The following ARID1B variants were observed in gnomAD, a reference collection of about 807,000 sequenced individuals.
ARID1B encodes the protein AT-rich interactive domain-containing protein 1B.
In ARID1B, 30 loss-of-function variants were observed where a neutral mutation model predicts 212.3. That is an observed-to-expected ratio of 0.14 (90% CI 0.11 to 0.19). ARID1B has a LOEUF of 0.19. Ranked by LOEUF, ARID1B falls within the 10% of genes least tolerant of loss-of-function variation. The pLI is 1.00. For synonymous variants in ARID1B, 1,402 were observed against 1,301.7 expected (o/e 1.08, Z -1.66); for missense variants, 2,891 against 3,204.0 (o/e 0.90, Z 2.36).
intron 19 of ARID1B, 106 bp downstream of exon 19, chr6:157,204,102 A>C: frequency 7.1e-7 from 1 of 1,414,486 alleles, no homozygotes; most frequent in Non-Finnish European, 9.9e-7. Flanking sequence ...CTGACCGTCC[A>C]ACACTGTTAA....
intron 4 of ARID1B, among the ~76,000 whole-genome samples, chr6:157,062,203 TG>T (rs1712207077): frequency 6.6e-6 from 1 of 151,638 alleles, no homozygotes; most frequent in Non-Finnish European, 1.5e-5. Context: ...TTTGTTTTGT[TG>T]TTTTTTTTTT....
intron 1 of ARID1B, among the ~76,000 whole-genome samples, chr6:156,822,338 T>G (rs1782409211): frequency 6.6e-6 from 1 of 152,256 alleles, no homozygotes; most frequent in African/African-American, 2.4e-5. Context: ...CATAGTGGTT[T>G]TAAATGCAGG....
rs529804693 is a variant in ARID1B, at chr6:157,206,103, G to A, written c.5395-64G>A. 14 of 1,513,064 alleles carry A rather than the reference G, an allele frequency of 9.3e-6. No homozygotes were observed. In the East Asian group the frequency reaches 2.5e-4, roughly 27 times the overall value. The allele number at this position is 1,513,064 out of a possible 1,614,324, so 93.7% of individuals were successfully genotyped here. A position where few individuals can be genotyped will look rare whatever the true frequency, so the allele number is the denominator to read the frequency against. On this transcript the variant is annotated intron_variant, in intron 19 of 19. Coordinates refer to ENST00000636930, the MANE Select transcript of ARID1B (RefSeq NM_001374828.1). This position sits in a 1 kb window ranked among gnomAD's most constrained non-coding sequence, Gnocchi z 6.8. ...GGGTCTCAGGATCTTTACCCTCCTC[G>A]GTCATATCTGATGTCATGACATTGT... is the stretch of plus-strand genomic sequence containing the variant.
At chr6:156,957,584 T>A (rs1042468161) in intron 4 of ARID1B, among the ~76,000 whole-genome samples, 1 of 152,220 alleles carries the variant, frequency 6.6e-6, no homozygotes, top group Non-Finnish European at 1.5e-5. Flanking sequence ...TAGGTTAGGG[T>A]TGATTTGGAC....
intron 4 of ARID1B, among the ~76,000 whole-genome samples, chr6:157,080,622 T>C (rs947156796): frequency 6.6e-6 from 1 of 152,210 alleles, no homozygotes; most frequent in Non-Finnish European, 1.5e-5. Context: ...AATCTGAACA[T>C]ATTCATGCTG....
At chr6:157,101,621 C>A (rs1475494354) in intron 5 of ARID1B, among the ~76,000 whole-genome samples, 1 of 151,780 alleles carries the variant, frequency 6.6e-6, no homozygotes, top group Admixed American at 6.6e-5. Context: ...AGGACATTGC[C>A]CTCTATATAG....
chr6:157,128,881 T>C (rs1293899485), intron 6 of ARID1B, among the ~76,000 whole-genome samples: 2 of 152,240 alleles, frequency 1.3e-5, no homozygotes, highest in Admixed American at 1.3e-4. Context: ...CATTTGCCTT[T>C]GGCCAGGGGA....
chr6:157,028,236 G>GT (rs1780786613), intron 4 of ARID1B, among the ~76,000 whole-genome samples: 1 of 152,154 alleles, frequency 6.6e-6, no homozygotes, highest in African/African-American at 2.4e-5. Context: ...GTGCTCATAT[G>GT]TTTTTTAACA....
At chr6:157,051,854 T>C (rs961147710) in intron 4 of ARID1B, among the ~76,000 whole-genome samples, 2 of 152,244 alleles carry the variant, frequency 1.3e-5, no homozygotes, top group African/African-American at 4.8e-5. Flanking sequence ...TTCATGTTGT[T>C]TCTTTTGTCA....
intron 4 of ARID1B, among the ~76,000 whole-genome samples, chr6:156,999,931 A>G (rs1778814228): frequency 6.6e-6 from 1 of 152,254 alleles, no homozygotes; most frequent in African/African-American, 2.4e-5. Context: ...CAATAAGTTA[A>G]AAAGATAATG....
chr6:157,019,688 C>T (rs1315680570), intron 4 of ARID1B, among the ~76,000 whole-genome samples: 1 of 152,094 alleles, frequency 6.6e-6, no homozygotes, highest in Non-Finnish European at 1.5e-5. Context: ...CTTTGTGATG[C>T]CTTTTTATGA....
In ARID1B at chr6:156,966,223, A is replaced by G. The variant is rs76711562; in HGVS notation, c.2247+30647A>G. On this transcript the variant is annotated intron_variant, in intron 4 of 19. Transcript: ENST00000636930. ...TTAAATTCCTATAAGTGTGCAGATAATACTTCAATGGTATATCGCAGTCCT... is the reference window on the plus strand; with the variant it reads ...TTAAATTCCTATAAGTGTGCAGATAGTACTTCAATGGTATATCGCAGTCCT... Among the ~76,000 whole-genome samples, 933 of 152,294 alleles carry G rather than the reference A, an allele frequency of 6.1e-3. 13 individuals carry two copies. The highest frequency in any genetic ancestry group is 0.022 in the African/African-American group (899 of 41,556).
At chr6:156,994,511 T>A (rs1319572355) in intron 4 of ARID1B, among the ~76,000 whole-genome samples, 2 of 151,834 alleles carry the variant, frequency 1.3e-5, no homozygotes, top group Non-Finnish European at 2.9e-5. Flanking sequence ...CAAAAAAAAA[T>A]ACCTTTATAA....
intron 4 of ARID1B, among the ~76,000 whole-genome samples, chr6:156,975,613 CTTTTTTTTT>C (rs367797338): frequency 9.0e-6 from 1 of 110,854 alleles, no homozygotes; most frequent in Non-Finnish European, 1.8e-5. Context: ...TTTTTTTTTT[CTTTTTTTTT>C]TTTTTTTTCA....
In ARID1B at chr6:157,174,090, C is replaced by T. The variant is rs1367299782; in HGVS notation, c.3318C>T (p.Gly1106=). 1 of 1,614,216 alleles carries T rather than the reference C, an allele frequency of 6.2e-7. No homozygotes were observed. The change falls in exon 10 of 20, where the codon GGC becomes GGT. Residue 1106 remains glycine, a synonymous_variant. Transcript: ENST00000636930. ...TCAAAGCAGACGGCAAAGAAGAAGG[C>T]ACTCCACAGCCCGAGAGCAAGTCAA... ...LPLKADGKEE[G]TPQPESKSKD...
intron 4 of ARID1B, among the ~76,000 whole-genome samples, chr6:157,034,296 TG>T (rs1329077885): frequency 6.6e-6 from 1 of 152,232 alleles, no homozygotes; most frequent in African/African-American, 2.4e-5. Context: ...TTATTATGAA[TG>T]AGTGATGGTC....
chr6:157,120,133 G>A lies in ARID1B; in HGVS notation c.2581+9572G>A, dbSNP rs145337863. On this transcript the variant is annotated intron_variant, in intron 6 of 19. Transcript: ENST00000636930. ...ATTTGCTTCTCCAGGGCATAGCGAC[G>A]TACGTACTTTGTCTTTTTCCTCAGC... is the stretch of plus-strand genomic sequence containing the variant. 3.3e-5 allele frequency among the ~76,000 whole-genome samples: 5 copies of A among 152,310 alleles called. No individual in the cohort carries two copies. In the East Asian group the frequency reaches 7.7e-4, roughly 23 times the overall value.
At chr6:156,898,144 C>T (rs928173294) in intron 2 of ARID1B, among the ~76,000 whole-genome samples, 21 of 152,250 alleles carry the variant, frequency 1.4e-4, no homozygotes, top group African/African-American at 5.1e-4. Flanking sequence ...TCTATGTCTC[C>T]AGCTCCCAGC....
chr6:156,805,770 G>A (rs149088429), intron 1 of ARID1B, among the ~76,000 whole-genome samples: 5 of 152,112 alleles, frequency 3.3e-5, no homozygotes, highest in East Asian at 1.9e-4. Flanking sequence ...GTAACTCCTG[G>A]GCTTAGGTGA....
Sources: allele counts gnomAD v4.1 joint callset (sites outside exome capture counted in the v4.1 genomes callset), GRCh38; gene constraint gnomAD v4.1.1; non-coding constraint Gnocchi (gnomAD v3.1); transcripts MANE v1.5; gene names NCBI Gene and HGNC (gene_info 2026-07-23, HGNC 2026-07-21).